Variants in IQGAP3 observed in about 807,000 individuals in gnomAD.
The protein encoded by IQGAP3 is IQ motif containing GTPase activating protein 3, also known as ras GTPase-activating-like protein IQGAP3.
Under a neutral mutation model 208.2 loss-of-function variants are expected in IQGAP3, and 165 were observed. The ratio of observed to expected loss-of-function variants is 0.79; its 90% CI spans 0.70 to 0.90. The LOEUF is 0.90. IQGAP3 is among the 40% of genes least tolerant of loss of function. The pLI is 0.00. For synonymous variants in IQGAP3, 703 were observed against 803.6 expected, an observed-to-expected ratio of 0.87 and a Z score of 2.12; for missense variants, 1,811 against 2,043.1, an observed-to-expected ratio of 0.89 and a Z score of 2.19.
At position 156,564,646 on chromosome 1, in the gene IQGAP3, G is replaced by C; in HGVS notation, c.406C>G (p.Pro136Ala). 1 of 1,613,854 alleles carries C rather than the reference G, an allele frequency of 6.2e-7. No individual in the cohort carries two copies. The highest frequency in any genetic ancestry group is 8.5e-7 in the Non-Finnish European group (1 of 1,179,762). Residue 136 changes from proline (P) to alanine (A), a missense_variant, in exon 5 of 38, where the codon CCC (proline) becomes GCC (alanine). Physicochemically the swap from Pro to Ala is conservative, Grantham distance 27 (BLOSUM62 -1). Transcript: ENST00000361170. ...GCATGGATGCAGTAGACTACCCGGG[G>C]CATGTTCTTTTTGTCATAGATGTCC... ...TTDIYDKKNM[P>A]RVVYCIHALS...
At chr1:156,542,228 T>G (rs1389044835) in intron 22 of IQGAP3, among the ~76,000 whole-genome samples, 4 of 152,188 alleles carry the variant, frequency 2.6e-5, no homozygotes, top group African/African-American at 9.7e-5. Context: ...CTCGCTCTGT[T>G]GTCCAGGTTG....
Position 156,552,667 on chromosome 1 carries a change from G to A in IQGAP3, c.1449-572C>T, listed in dbSNP as rs544157581. ...CATCTCCGCTACCGCCCAAGGCCAA[G>A]CCCCCATCATCTCTTGCCTGGATTA... On this transcript the variant is annotated intron_variant, in intron 13 of 37. Transcript: ENST00000361170. Among the ~76,000 whole-genome samples, 100 of 152,284 alleles carry A rather than the reference G, an allele frequency of 6.6e-4. 2 individuals are homozygous for A. In the South Asian group the frequency reaches 0.019, roughly 30 times the overall value.
At chr1:156,530,392 G>A (rs1292014382) in intron 33 of IQGAP3, 75 bp from the exon 34 acceptor site, 76 of 1,311,584 alleles carry the variant, frequency 5.8e-5, no homozygotes, top group African/African-American at 7.3e-5. Flanking sequence ...GGTCCCATGG[G>A]CACCAGCAAC....
chr1:156,535,918 G>A (rs1674664636), intron 27 of IQGAP3, among the ~76,000 whole-genome samples: 1 of 152,214 alleles, frequency 6.6e-6, no homozygotes, highest in South Asian at 2.1e-4. Context: ...GTGAAATTAT[G>A]TCTGCGAGAG....
At chr1:156,565,805 C>G (rs1219386507) in intron 4 of IQGAP3, among the ~76,000 whole-genome samples, 1 of 152,128 alleles carries the variant, frequency 6.6e-6, no homozygotes, top group African/African-American at 2.4e-5. Context: ...GCCACTCAGG[C>G]CAGGGAAACT....
At chr1:156,563,938 A>T (rs1676284769) in intron 5 of IQGAP3, 114 bp from the exon 6 acceptor site, 1 of 764,682 alleles carries the variant, frequency 1.3e-6, no homozygotes, top group East Asian at 2.7e-5. Flanking sequence ...ACCACTCAGC[A>T]CCTGCCCTCA....
rs998262047 is a variant in IQGAP3 at position 156,563,955 on chromosome 1, C to T, written c.438-131G>A. The T allele has an allele frequency of 4.6e-6, 3 of 659,184 alleles. No individual in the cohort carries two copies. The African/African-American group carries it at 5.5e-5, about 12-fold the overall frequency. 40.8% of individuals were successfully genotyped at this position (659,184 alleles called of 1,614,324 possible). ...CACTCAGCACCTGCCCTCAAGTCAT[C>T]CCCAACCCACATAAAGAAATATGAC... is the stretch of plus-strand genomic sequence containing the variant. On this transcript the variant is annotated intron_variant, in intron 5 of 37. Coordinates refer to ENST00000361170, the MANE Select transcript of IQGAP3 (RefSeq NM_178229.5).
chr1:156,571,952 C>T (rs1017221657), intron 1 of IQGAP3, among the ~76,000 whole-genome samples: 1 of 152,216 alleles, frequency 6.6e-6, no homozygotes, highest in African/African-American at 2.4e-5. Context: ...GGAAGAAGCA[C>T]AGCAGTGCTT....
At chr1:156,564,415 C>T (rs934064909) in intron 5 of IQGAP3, among the ~76,000 whole-genome samples, 200 bp downstream of exon 5, 5 of 152,172 alleles carry the variant, frequency 3.3e-5, no homozygotes, top group Non-Finnish European at 7.4e-5. Flanking sequence ...TTCCCCTTCA[C>T]CCACACAGGC....
chr1:156,566,671 C>T, intron 2 of IQGAP3, 125 bp from the exon 3 acceptor site: 2 of 889,376 alleles, frequency 2.2e-6, no homozygotes, highest in East Asian at 2.7e-5. Context: ...CCTGTTCCTG[C>T]TCTACCTCCA....
At chr1:156,572,307 G>A (rs1676680650) in intron 1 of IQGAP3, among the ~76,000 whole-genome samples, 186 bp downstream of exon 1, 1 of 152,258 alleles carries the variant, frequency 6.6e-6, no homozygotes, top group African/African-American at 2.4e-5. Context: ...AGGGGACAAT[G>A]CGCCGCTCAC....
rs1676541908 is a variant in IQGAP3, at chr1:156,569,423, C to T, written c.78G>A (p.Arg26=). The T allele has an allele frequency of 3.1e-6, 5 of 1,613,208 alleles. No homozygotes were observed. Among genetic ancestry groups the T allele is most frequent in the South Asian group, 1.1e-5 (1 of 90,828 alleles). Residue 26 remains arginine, a synonymous_variant, in exon 2 of 38, where the codon CGG becomes CGA. Transcript: ENST00000361170. ...ACAGGTACTGATAGGCAACATTCTG[C>T]CGCCTCTGCTCATCCATCTCCTCAG... is the stretch of plus-strand genomic sequence containing the variant. ...LTAEEMDEQR[R]QNVAYQYLCR...
chr1:156,533,172 C>A (rs1674505307), intron 31 of IQGAP3, 66 bp from the exon 32 acceptor site: 1 of 1,582,666 alleles, frequency 6.3e-7, no homozygotes, highest in Non-Finnish European at 8.6e-7. Context: ...CACACATACA[C>A]ACACACACAT....
At position 156,544,005 on chromosome 1, in the gene IQGAP3, C is replaced by A; in HGVS notation, c.2506G>T (p.Ala836Ser). The change falls in exon 22 of 38, where the codon GCC becomes TCC. Residue 836 changes from alanine (A) to serine (S), a missense_variant. Ala to Ser is a moderately conservative substitution (Grantham distance 99, BLOSUM62 1). Coordinates refer to ENST00000361170, the MANE Select transcript of IQGAP3 (RefSeq NM_178229.5). ...KIQAFFRARK[A>S]QDDYRILVHA... ...CCTAATATCCTGTAGTCATCTTGGG[C>A]TTTCCTGGCTCGGAAAAATGCCTGG... The A allele has an allele frequency of 6.2e-7, 1 of 1,614,156 alleles. No individual in the cohort carries two copies. The highest frequency in any genetic ancestry group is 8.5e-7 in the Non-Finnish European group (1 of 1,180,014).
Position 156,537,329 on chromosome 1 carries a change from C to CAG in IQGAP3, c.3282-10_3282-9dup. On this transcript the variant is annotated splice_polypyrimidine_tract_variant and intron_variant, in intron 26 of 37. Coordinates refer to ENST00000361170, the MANE Select transcript of IQGAP3 (RefSeq NM_178229.5). ...ACATCATATGGGAGATGGCTATGAG[C>CAG]AGAGAGAGACAAGGTGTAAGCAGGA... 1 of 1,607,912 alleles carries CAG rather than the reference C, an allele frequency of 6.2e-7. No homozygotes were observed. Among genetic ancestry groups the CAG allele is most frequent in the East Asian group, 2.2e-5 (1 of 44,796 alleles).
At chr1:156,557,647 T>C (rs1249376128) in intron 11 of IQGAP3, among the ~76,000 whole-genome samples, 3 of 6,738 alleles carry the variant, frequency 4.5e-4, no homozygotes, top group Non-Finnish European at 7.4e-4. Context: ...AGCCGCCCCG[T>C]CCGGGAGGGA....
rs199617289 is a variant in IQGAP3, at chr1:156,563,836, C to T, written c.438-12G>A. On this transcript the variant is annotated splice_polypyrimidine_tract_variant and intron_variant, in intron 5 of 37. Coordinates refer to ENST00000361170, the MANE Select transcript of IQGAP3 (RefSeq NM_178229.5). ...GGAAGAGGAAGAGACTAGGAAAAAA[C>T]GGAAGGCATTGGAAGGCACTGGGGC... 38 of 1,612,578 alleles carry T rather than the reference C, an allele frequency of 2.4e-5. No homozygotes were observed. Among genetic ancestry groups the T allele is most frequent in the African/African-American group, 2.1e-4 (16 of 74,986 alleles).
intron 27 of IQGAP3, chr1:156,536,891 A>C (rs1674714172): frequency 3.8e-6 from 1 of 260,258 alleles, no homozygotes. Context: ...TTTTCTCCTC[A>C]TTTGCTCTTA....
rs34005985 is a variant in IQGAP3, at chr1:156,569,528, C to CTTTTT, written c.38-70_38-66dup. 1.2e-3 allele frequency: 169 copies of CTTTTT among 138,246 alleles called. 4 individuals are homozygous for CTTTTT. Among genetic ancestry groups the CTTTTT allele is most frequent in the African/African-American group, 3.6e-3 (74 of 20,504 alleles). The allele number at this position is 138,246 out of a possible 1,614,324, so 8.6% of individuals were successfully genotyped here. A position where few individuals can be genotyped will look rare whatever the true frequency, so the allele number is the denominator to read the frequency against. On this transcript the variant is annotated intron_variant, in intron 1 of 37. Coordinates refer to ENST00000361170, the MANE Select transcript of IQGAP3 (RefSeq NM_178229.5). The stretch of plus-strand genomic sequence containing the variant: ...TAGAGGTGCCTTAGCACTGAAGGGT[C>CTTTTT]TTTTTTTTTTTTTTTTTTTTTTTTG...
Sources: gnomAD v4.1 joint callset for allele counts (sites outside exome capture counted in the v4.1 genomes callset) on GRCh38, gnomAD v4.1.1 for gene constraint, MANE v1.5 for transcripts, NCBI Gene and HGNC (gene_info 2026-07-23, HGNC 2026-07-21) for gene names.